ESR2: variants seen among roughly 807,000 people sequenced by gnomAD.
The protein encoded by ESR2 is estrogen receptor 2, also known as estrogen receptor beta.
Under a neutral mutation model 49.6 loss-of-function variants are expected in ESR2, and 36 were observed. The observed-to-expected ratio is 0.73, with a 90% confidence interval of 0.56 to 0.96. The LOEUF is 0.96. ESR2 is among the 40% of genes least tolerant of loss of function. The pLI is 0.00. For missense variants in ESR2, 714 were observed against 693.0 expected, an observed-to-expected ratio of 1.03 and a Z score of -0.34; for synonymous variants, 320 against 266.1, an observed-to-expected ratio of 1.20 and a Z score of -1.97.
At chr14:64,256,072 A>C (rs1008814933) in intron 6 of ESR2, among the ~76,000 whole-genome samples, 2 of 152,332 alleles carry the variant, frequency 1.3e-5, no homozygotes, top group African/African-American at 4.8e-5. Context: ...GGTAGACACT[A>C]GGCATCCTCC....
intron 8 of ESR2, 142 bp from the exon 9 acceptor site, chr14:64,233,465 G>A (rs536343482): frequency 6.8e-6 from 5 of 734,402 alleles, no homozygotes; most frequent in South Asian, 3.6e-5. Context: ...TCCATGGCTC[G>A]TGCATCCAGC....
chr14:64,257,771 G>GT (rs1369603030), intron 5 of ESR2, among the ~76,000 whole-genome samples: 1 of 151,568 alleles, frequency 6.6e-6, no homozygotes, highest in Non-Finnish European at 1.5e-5. Context: ...GGGGGATGGG[G>GT]TAGGTGGAGG....
chr14:64,281,930 T>A (rs2076678915), intron 2 of ESR2, among the ~76,000 whole-genome samples: 1 of 152,268 alleles, frequency 6.6e-6, no homozygotes, highest in East Asian at 1.9e-4. Context: ...TCACAGTTAC[T>A]TTTATCCTGG....
rs138900734 is a variant in ESR2, at chr14:64,302,432, C to A, written c.-90-19357G>T. On this transcript the variant is annotated intron_variant, in intron 1 of 8. Transcript: ENST00000358599. ...TCAATCTCTTGATCTCGTGATCCAC[C>A]CGCCTCGGCCTCCCAAAGTGCTGGG... Among the ~76,000 whole-genome samples the A allele has an allele frequency of 6.2e-3, 945 of 152,062 alleles. 3 individuals are homozygous for A. Among genetic ancestry groups the A allele is most frequent in the Middle Eastern group, 0.014 (4 of 294 alleles).
At chr14:64,236,150 A>T (rs908050776) in intron 7 of ESR2, among the ~76,000 whole-genome samples, 3 of 152,220 alleles carry the variant, frequency 2.0e-5, no homozygotes, top group African/African-American at 7.2e-5. Context: ...CAATTAAGGC[A>T]GCTCAATTCA....
At chr14:64,303,065 G>A (rs1010498159) in intron 1 of ESR2, among the ~76,000 whole-genome samples, 1 of 152,102 alleles carries the variant, frequency 6.6e-6, no homozygotes, top group Admixed American at 6.5e-5. Flanking sequence ...CTCCCAAATT[G>A]CTGGGATTAC....
chr14:64,227,206 A>C (rs1361169936), downstream of ESR2: 2 of 330,700 alleles, frequency 6.0e-6, no homozygotes, highest in Non-Finnish European at 1.1e-5. Flanking sequence ...GCCAAAGCAC[A>C]AACCTCAGGG....
intron 1 of ESR2, among the ~76,000 whole-genome samples, chr14:64,331,822 C>CAAAAAAA (rs368932180): frequency 9.5e-5 from 5 of 52,400 alleles, no homozygotes; most frequent in African/African-American, 2.0e-4. Flanking sequence ...GACTCCATCT[C>CAAAAAAA]AAAAAAAAAA....
intron 7 of ESR2, among the ~76,000 whole-genome samples, chr14:64,244,779 G>A (rs2075814052): frequency 6.6e-6 from 1 of 152,178 alleles, no homozygotes; most frequent in Admixed American, 6.5e-5. Flanking sequence ...AATTGTTCAA[G>A]TCAGTTTTCA....
intron 7 of ESR2, among the ~76,000 whole-genome samples, chr14:64,246,593 G>A (rs1340682596): frequency 6.6e-6 from 1 of 151,690 alleles, no homozygotes; most frequent in Non-Finnish European, 1.5e-5. Context: ...CAGGCATGGT[G>A]GCATGCACCT....
rs118137958 is a variant in ESR2, at chr14:64,260,136, A to T, written c.952+313T>A. The T allele has an allele frequency of 3.4e-3, 1,954 of 580,436 alleles. 70 individuals are homozygous for T. In the East Asian group the frequency reaches 0.063, roughly 19 times the overall value. 36.0% of individuals were successfully genotyped at this position (580,436 alleles called of 1,614,324 possible). A position where few individuals can be genotyped will look rare whatever the true frequency, so the allele number is the denominator to read the frequency against. The stretch of plus-strand genomic sequence containing the variant: ...GTTTGTGCAAGGTGGTATGGGATGC[A>T]TCTAGCCATGGGAAAAGAAGGCAGT... On this transcript the variant is annotated intron_variant, in intron 5 of 8. Transcript: ENST00000341099.
intron 5 of ESR2, among the ~76,000 whole-genome samples, chr14:64,258,165 C>A (rs142162081): frequency 6.6e-6 from 1 of 151,964 alleles, no homozygotes; most frequent in African/African-American, 2.4e-5. Flanking sequence ...GCTGAGATCA[C>A]GCCACTGCAC....
At chr14:64,235,730 C>A (rs992398984) in intron 7 of ESR2, among the ~76,000 whole-genome samples, 1 of 152,152 alleles carries the variant, frequency 6.6e-6, no homozygotes, top group Admixed American at 6.5e-5. Flanking sequence ...TACTTTCTAG[C>A]CACCATCTGG....
intron 1 of ESR2, among the ~76,000 whole-genome samples, chr14:64,331,770 C>A (rs2077462024): frequency 6.7e-6 from 1 of 148,234 alleles, no homozygotes; most frequent in African/African-American, 2.5e-5. Context: ...GTTGCATGAG[C>A]CGAGATCATG....
chr14:64,310,281 T>C (rs1217047830), intron 1 of ESR2, among the ~76,000 whole-genome samples: 1 of 110,702 alleles, frequency 9.0e-6, no homozygotes, highest in African/African-American at 4.7e-5. Flanking sequence ...AGACGTCGTC[T>C]CAAAAAATAA....
At chr14:64,283,363 G>A (rs2076719791) in intron 1 of ESR2, among the ~76,000 whole-genome samples, 1 of 151,884 alleles carries the variant, frequency 6.6e-6, no homozygotes, top group South Asian at 2.1e-4. Context: ...AAAAAACACA[G>A]GATTAAATAA....
intron 7 of ESR2, among the ~76,000 whole-genome samples, chr14:64,240,955 T>C (rs899185883): frequency 1.5e-3 from 224 of 151,648 alleles, no homozygotes; most frequent in Non-Finnish European, 2.2e-3. Flanking sequence ...CCATCCTGGC[T>C]AACACGGTGA....
At chr14:64,235,763 C>T (rs1596366111) in intron 7 of ESR2, among the ~76,000 whole-genome samples, 1 of 152,160 alleles carries the variant, frequency 6.6e-6, no homozygotes, top group African/African-American at 2.4e-5. Context: ...CTCAGTTCCT[C>T]ACTGAGCAAC....
chr14:64,241,063 G>A (rs1167092394), intron 7 of ESR2, among the ~76,000 whole-genome samples: 3 of 150,062 alleles, frequency 2.0e-5, no homozygotes, highest in Non-Finnish European at 4.4e-5. Context: ...GGAGAATGGC[G>A]TGAACCCTGG....
Sources: allele counts gnomAD v4.1 joint callset (sites outside exome capture counted in the v4.1 genomes callset), GRCh38; gene constraint gnomAD v4.1.1; transcripts MANE v1.5; gene names NCBI Gene and HGNC (gene_info 2026-07-23, HGNC 2026-07-21).